Variants in GRID2 observed in about 807,000 individuals in gnomAD.
GRID2 encodes the protein glutamate ionotropic receptor delta type subunit 2, also known as glutamate receptor ionotropic, delta-2.
A neutral mutation model predicts 114.8 loss-of-function variants in GRID2; 33 were observed. The observed-to-expected ratio is 0.29, with a 90% confidence interval of 0.22 to 0.38. GRID2 has a LOEUF of 0.38. GRID2 is among the 10% of genes least tolerant of loss of function. The probability of loss-of-function intolerance (pLI) is 1.00; values close to 1 mark genes in which losing one functional copy is unlikely to be tolerated. For synonymous variants in GRID2, 505 were observed against 449.9 expected, an observed-to-expected ratio of 1.12 and a Z score of -1.55; for missense variants, 1,184 against 1,257.7, an observed-to-expected ratio of 0.94 and a Z score of 0.89.
At chr4:93,350,330 T>G (rs541582969) in intron 8 of GRID2, among the ~76,000 whole-genome samples, 25 of 152,216 alleles carry the variant, frequency 1.6e-4, no homozygotes, top group Non-Finnish European at 2.9e-4. Flanking sequence ...CTCAAGAACT[T>G]TTAGTTCCTA....
Position 92,527,069 on chromosome 4 carries a change from A to G in GRID2, c.89-63062A>G, listed in dbSNP as rs558617619. 7.4e-4 allele frequency among the ~76,000 whole-genome samples: 107 copies of G among 144,880 alleles called. 1 individual carries two copies. Among genetic ancestry groups the G allele is most frequent in the African/African-American group, 2.9e-3 (104 of 36,322 alleles). On this transcript the variant is annotated intron_variant, in intron 1 of 15. Coordinates refer to ENST00000282020, the MANE Select transcript of GRID2 (RefSeq NM_001510.4). ...AGGGATGAGGATACGTTTGACTGAG[A>G]AAAAAAAAACTCACAATGTTAGTAA...
chr4:92,825,726 T>G (rs1236490022), intron 2 of GRID2, among the ~76,000 whole-genome samples: 2 of 152,048 alleles, frequency 1.3e-5, no homozygotes, highest in African/African-American at 4.8e-5. Flanking sequence ...GTTGTCAAAA[T>G]AGCATGTAAT....
In GRID2 at chr4:92,791,666, C is replaced by T. The variant is rs975078107; in HGVS notation, c.244+201380C>T. ...TAATATTAAACTAGTGCTATGGTGT[C>T]TGTTGTTTCATGATTATAATGAAAT... is the stretch of plus-strand genomic sequence containing the variant. On this transcript the variant is annotated intron_variant, in intron 2 of 15. Transcript: ENST00000282020. 2.0e-5 allele frequency among the ~76,000 whole-genome samples: 3 copies of T among 151,786 alleles called. No homozygotes were observed. In the South Asian group the frequency reaches 6.2e-4, roughly 31 times the overall value.
chr4:92,723,085 A>G (rs183970617), intron 2 of GRID2, among the ~76,000 whole-genome samples: 1 of 152,212 alleles, frequency 6.6e-6, no homozygotes, highest in East Asian at 1.9e-4. Context: ...TATAATATGA[A>G]TAATGGATAA....
At chr4:92,676,923 A>T (rs1733404025) in intron 2 of GRID2, among the ~76,000 whole-genome samples, 1 of 152,214 alleles carries the variant, frequency 6.6e-6, no homozygotes, top group African/African-American at 2.4e-5. Flanking sequence ...TATGCATATA[A>T]TGCAATATTA....
At chr4:92,433,045 G>A (rs1024137192) in intron 1 of GRID2, among the ~76,000 whole-genome samples, 9 of 152,052 alleles carry the variant, frequency 5.9e-5, no homozygotes, top group African/African-American at 2.2e-4. Flanking sequence ...TATCATCCAG[G>A]CGCTGGGACC....
chr4:93,435,425 A>G (rs1720981785), intron 10 of GRID2, among the ~76,000 whole-genome samples: 1 of 152,194 alleles, frequency 6.6e-6, no homozygotes, highest in South Asian at 2.1e-4. Flanking sequence ...TATTTTGTCC[A>G]TTAATTAAAC....
intron 8 of GRID2, among the ~76,000 whole-genome samples, chr4:93,359,093 C>T (rs1019008231): frequency 1.3e-5 from 2 of 151,978 alleles, no homozygotes. Context: ...TGGCAAGTCA[C>T]CTAAGATAGC....
At position 92,939,032 on chromosome 4, in the gene GRID2, T is replaced by C. The variant is rs746122501; in HGVS notation, c.245-145963T>C. On this transcript the variant is annotated intron_variant, in intron 2 of 15. Coordinates refer to ENST00000282020, the MANE Select transcript of GRID2 (RefSeq NM_001510.4). ...TAGTGCCGCAATAAACATACATGTG[T>C]GGGTGTCTTTATAGCAGCATGATTT... Among the ~76,000 whole-genome samples the C allele has an allele frequency of 8.2e-5, 12 of 147,150 alleles. 1 individual carries two copies. In the South Asian group the frequency reaches 9.2e-4, roughly 11 times the overall value.
chr4:92,443,189 G>C (rs1165340388), intron 1 of GRID2, among the ~76,000 whole-genome samples: 2 of 151,658 alleles, frequency 1.3e-5, no homozygotes, highest in African/African-American at 4.9e-5. Context: ...AAGAATGCCT[G>C]GACGTCAGGC....
chr4:93,131,886 T>A (rs757544511), intron 4 of GRID2, among the ~76,000 whole-genome samples: 10 of 152,214 alleles, frequency 6.6e-5, no homozygotes, highest in Non-Finnish European at 1.5e-4. Context: ...AGAGCCGTTA[T>A]CTAGGAACAT....
chr4:92,790,699 T>A (rs970498922), intron 2 of GRID2, among the ~76,000 whole-genome samples: 1 of 149,584 alleles, frequency 6.7e-6, no homozygotes, highest in Non-Finnish European at 1.5e-5. Flanking sequence ...ATAACATGCA[T>A]GAGCTACTGT....
chr4:92,938,315 T>A (rs1394260808), intron 2 of GRID2, among the ~76,000 whole-genome samples: 1 of 146,556 alleles, frequency 6.8e-6, no homozygotes, highest in Non-Finnish European at 1.5e-5. Flanking sequence ...AGCATAAATC[T>A]TCTTTATGGC....
At chr4:93,715,769 G>A (rs1728854417) in intron 14 of GRID2, among the ~76,000 whole-genome samples, 1 of 152,094 alleles carries the variant, frequency 6.6e-6, no homozygotes, top group Non-Finnish European at 1.5e-5. Context: ...AGTGATTTTT[G>A]CACATTGATT....
intron 9 of GRID2, among the ~76,000 whole-genome samples, chr4:93,402,029 T>C (rs1332097062): frequency 6.6e-6 from 1 of 152,096 alleles, no homozygotes; most frequent in Non-Finnish European, 1.5e-5. Flanking sequence ...GTTATTTATA[T>C]ACATCAGCAT....
intron 1 of GRID2, among the ~76,000 whole-genome samples, chr4:92,503,956 G>A (rs999055115): frequency 3.3e-5 from 5 of 151,926 alleles, no homozygotes; most frequent in Admixed American, 2.6e-4. Flanking sequence ...ATAACAGTTA[G>A]ATTGAAAATA....
chr4:92,688,037 CTTTTTTTTTTTTTTTTT>C (rs760605020), intron 2 of GRID2, among the ~76,000 whole-genome samples: 2 of 44,656 alleles, frequency 4.5e-5, no homozygotes, highest in African/African-American at 1.0e-4. Context: ...CCTTCTTCTT[CTTTTTTTTTTTTTTTTT>C]TTTTTTTTTT....
At chr4:93,810,033 G>A (rs911824711) in exon 2 of GRID2, 2 of 152,178 alleles carry the variant, frequency 1.3e-5, no homozygotes, top group African/African-American at 4.8e-5. Flanking sequence ...TCCAGGTCAT[G>A]GTAGCTGAGA....
intron 1 of GRID2, among the ~76,000 whole-genome samples, chr4:93,802,422 AAGAG>A (rs200993920): frequency 6.0e-5 from 9 of 150,668 alleles, no homozygotes; most frequent in East Asian, 3.9e-4. Flanking sequence ...GAGAGAGAGA[AAGAG>A]AGAGAGAGAT....
Sources: allele counts gnomAD v4.1 joint callset (sites outside exome capture counted in the v4.1 genomes callset), GRCh38; gene constraint gnomAD v4.1.1; transcripts MANE v1.5; gene names NCBI Gene and HGNC (gene_info 2026-07-23, HGNC 2026-07-21).